HORMAD2: variants seen among roughly 807,000 people sequenced by gnomAD.
HORMAD2 encodes the protein HORMA domain containing 2.
A neutral mutation model predicts 38.8 loss-of-function variants in HORMAD2; 45 were observed. That is an observed-to-expected ratio of 1.16 (90% CI 0.91 to 1.49). HORMAD2 has a LOEUF of 1.49. Ranked by LOEUF, HORMAD2 falls within the 40% of genes most tolerant of loss-of-function variation. HORMAD2 has a pLI of 0.00. For synonymous variants in HORMAD2, 126 were observed against 122.8 expected, an observed-to-expected ratio of 1.03 and a Z score of -0.17; for missense variants, 338 against 367.0, an observed-to-expected ratio of 0.92 and a Z score of 0.65.
intron 2 of HORMAD2, among the ~76,000 whole-genome samples, chr22:30,097,245 C>T (rs1045978534): frequency 6.6e-6 from 1 of 152,026 alleles, no homozygotes; most frequent in Non-Finnish European, 1.5e-5. Context: ...TTTGAGATAC[C>T]GGCACAACCC....
intron 10 of HORMAD2, chr22:30,136,636 T>C (rs1923679132): frequency 6.6e-6 from 1 of 151,944 alleles, no homozygotes; most frequent in African/African-American, 2.4e-5. Flanking sequence ...TTTCCACAAA[T>C]AGGGCTTTTA....
the HORMAD2 span, among the ~76,000 whole-genome samples, chr22:30,201,007 C>T: frequency 6.6e-6 from 1 of 152,150 alleles, no homozygotes; most frequent in Non-Finnish European, 1.5e-5. Context: ...ACCTCGGCCT[C>T]CCAAAGTGCT....
chr22:30,178,888 T>A (rs182149617), downstream of HORMAD2, among the ~76,000 whole-genome samples: 214 of 152,326 alleles, frequency 1.4e-3, 1 homozygote, highest in Non-Finnish European at 2.3e-3. Context: ...AGACATGGGT[T>A]AGGTTCATGA....
At chr22:30,116,489 G>A (rs4823074) in intron 7 of HORMAD2, among the ~76,000 whole-genome samples, 83,097 of 151,972 alleles carry the variant, frequency 0.55, 23,631 homozygotes, top group African/African-American at 0.69. Context: ...GGGAGAAGGA[G>A]AGGCTGCATA....
chr22:30,202,443 A>T, the HORMAD2 span, among the ~76,000 whole-genome samples: 5 of 129,828 alleles, frequency 3.9e-5, no homozygotes, highest in South Asian at 2.2e-4. Context: ...GAATGGATTT[A>T]AAAAAAAAAA....
downstream of HORMAD2, among the ~76,000 whole-genome samples, chr22:30,180,141 C>G (rs1369891441): frequency 6.6e-6 from 1 of 152,124 alleles, no homozygotes; most frequent in Non-Finnish European, 1.5e-5. Context: ...TTGCCCGCCT[C>G]AGCCTCCCAG....
In HORMAD2 at chr22:30,115,677, T is replaced by C. The variant is rs143002261; in HGVS notation, c.342+3155T>C. On this transcript the variant is annotated intron_variant, in intron 7 of 10. Transcript: ENST00000336726. The stretch of plus-strand genomic sequence containing the variant: ...TGCTCTCTAGAAGCCTACGTTCTTA[T>C]GAGGTAGGATAAACAATAAATAAAT... Among the ~76,000 whole-genome samples the C allele has an allele frequency of 3.3e-5, 5 of 152,256 alleles. No individual in the cohort carries two copies. The East Asian group carries it at 9.7e-4, about 29-fold the overall frequency.
chr22:30,105,010 G>A (rs1921078219), intron 5 of HORMAD2: 1 of 153,410 alleles, frequency 6.5e-6, no homozygotes, highest in Non-Finnish European at 1.5e-5. Flanking sequence ...GAAGAGACAA[G>A]ATGTATATAA....
chr22:30,177,683 A>G (rs1027204533), downstream of HORMAD2, among the ~76,000 whole-genome samples: 1 of 151,726 alleles, frequency 6.6e-6, no homozygotes, highest in Non-Finnish European at 1.5e-5. Flanking sequence ...CAAATCAGTA[A>G]AGGCTATAGG....
chr22:30,097,145 TC>T (rs908665189), intron 2 of HORMAD2, among the ~76,000 whole-genome samples: 3 of 152,154 alleles, frequency 2.0e-5, no homozygotes, highest in Admixed American at 2.0e-4. Flanking sequence ...GACAAACAGA[TC>T]AAATTTTTAT....
At chr22:30,096,156 C>T (rs1050219411) in intron 2 of HORMAD2, among the ~76,000 whole-genome samples, 1 of 152,116 alleles carries the variant, frequency 6.6e-6, no homozygotes. Context: ...CCATTGGGGG[C>T]GTATACCCCA....
intron 10 of HORMAD2, among the ~76,000 whole-genome samples, chr22:30,166,240 C>A (rs146673994): frequency 3.4e-4 from 51 of 152,062 alleles, no homozygotes; most frequent in African/African-American, 1.2e-3. Flanking sequence ...TATCTATATT[C>A]CTATTATCAC....
chr22:30,166,811 G>A (rs1054214774), intron 10 of HORMAD2, among the ~76,000 whole-genome samples: 1 of 152,172 alleles, frequency 6.6e-6, no homozygotes, highest in Non-Finnish European at 1.5e-5. Context: ...TGTGGATGAA[G>A]TACTACTAGA....
chr22:30,177,459 C>T (rs868857279), downstream of HORMAD2, among the ~76,000 whole-genome samples: 2 of 152,118 alleles, frequency 1.3e-5, no homozygotes, highest in South Asian at 2.1e-4. Context: ...GGCCTGCAGG[C>T]AAGGAGGAGC....
At chr22:30,168,537 T>C (rs553760981) in intron 10 of HORMAD2, among the ~76,000 whole-genome samples, 1 of 152,304 alleles carries the variant, frequency 6.6e-6, no homozygotes, top group African/African-American at 2.4e-5. Flanking sequence ...CCATCCTCCC[T>C]ACCATGTTCC....
chr22:30,191,194 C>T, the HORMAD2 span, among the ~76,000 whole-genome samples: 15 of 152,302 alleles, frequency 9.8e-5, no homozygotes, highest in South Asian at 1.7e-3. Flanking sequence ...CAACTCCAGA[C>T]AGCTCGTCGG....
At chr22:30,100,998 G>C (rs1920939587) in intron 3 of HORMAD2, among the ~76,000 whole-genome samples, 1 of 152,168 alleles carries the variant, frequency 6.6e-6, no homozygotes, top group Non-Finnish European at 1.5e-5. Flanking sequence ...GTGTAAATTA[G>C]TTCAACCATT....
intron 3 of HORMAD2, among the ~76,000 whole-genome samples, chr22:30,100,906 C>T (rs536986099): frequency 6.6e-6 from 1 of 152,000 alleles, no homozygotes; most frequent in East Asian, 1.9e-4. Flanking sequence ...CCAGTTAGAA[C>T]GGAAATCACT....
chr22:30,131,770 A>G (rs1337194097), intron 10 of HORMAD2, among the ~76,000 whole-genome samples: 1 of 152,186 alleles, frequency 6.6e-6, no homozygotes, highest in Non-Finnish European at 1.5e-5. Context: ...TCTTATTTCA[A>G]TTTAAAAATA....
Sources: allele counts gnomAD v4.1 joint callset (sites outside exome capture counted in the v4.1 genomes callset), GRCh38; gene constraint gnomAD v4.1.1; transcripts MANE v1.5; gene names NCBI Gene and HGNC (gene_info 2026-07-23, HGNC 2026-07-21).